The following SPTBN5 variants were observed in gnomAD, a reference collection of about 807,000 sequenced individuals.
SPTBN5 encodes the protein spectrin beta chain, non-erythrocytic 5.
A neutral mutation model predicts 477.6 loss-of-function variants in SPTBN5; 513 were observed. That is an observed-to-expected ratio of 1.07 (90% CI 1.00 to 1.16). SPTBN5 has a LOEUF of 1.16. SPTBN5 is among the 50% of genes most tolerant of loss of function. The pLI is 0.00. For missense variants in SPTBN5, 5,062 were observed against 4,731.8 expected, an observed-to-expected ratio of 1.07 and a Z score of -2.05; for synonymous variants, 2,169 against 2,011.7, an observed-to-expected ratio of 1.08 and a Z score of -2.09.
At chr15:41,859,686 G>A (rs1304760095) in intron 47 of SPTBN5, among the ~76,000 whole-genome samples, 3 of 152,182 alleles carry the variant, frequency 2.0e-5, no homozygotes, top group Admixed American at 6.5e-5. Flanking sequence ...TGTGCTGGGG[G>A]AAGCTGAGCC....
chr15:41,850,205 G>A, intron 66 of SPTBN5: 2 of 502,944 alleles, frequency 4.0e-6, no homozygotes, highest in South Asian at 2.4e-5. Context: ...TTTCTTAGGA[G>A]GTGGGAAATT....
At chr15:41,881,732 G>A (rs1332164615) in intron 12 of SPTBN5, among the ~76,000 whole-genome samples, 2 of 152,228 alleles carry the variant, frequency 1.3e-5, no homozygotes, top group Non-Finnish European at 2.9e-5. Flanking sequence ...CTCGGTTGAC[G>A]TGGGCAGACA....
At chr15:41,860,873 C>G in intron 46 of SPTBN5, 115 bp from the exon 47 acceptor site, 1 of 1,041,652 alleles carries the variant, frequency 9.6e-7, no homozygotes, top group Non-Finnish European at 1.3e-6. Flanking sequence ...GCGGCTGCTC[C>G]GCCCAAACAC....
chr15:41,851,470 C>T (rs193050078), intron 63 of SPTBN5, 101 bp from the exon 64 acceptor site: 14 of 902,532 alleles, frequency 1.6e-5, no homozygotes, highest in African/African-American at 1.0e-4. Context: ...CCAGGAAAAG[C>T]GGTGGATTGG....
chr15:41,883,480 C>G lies in SPTBN5; in HGVS notation c.1527G>C (p.Glu509Asp). The G allele has an allele frequency of 6.2e-7, 1 of 1,613,726 alleles. No homozygotes were observed. Among genetic ancestry groups the G allele is most frequent in the Non-Finnish European group, 8.5e-7 (1 of 1,179,762 alleles). The change falls in exon 8 of 68, where the codon GAG (glutamate) becomes GAC (aspartate). Residue 509 changes from glutamate (E) to aspartate (D), a missense_variant. Physicochemically the swap from Glu to Asp is conservative, Grantham distance 45 (BLOSUM62 2). Transcript: ENST00000320955. ...GCCTCTGCCAGCGCACGGTAACTTC[C>G]TCCTGCCTAGAGGATATGAGAATAA... ...HSWADVARRQ[E>D]EVTVRWQRLL...
chr15:41,851,371 T>TGTGGAGAGGAGGC lies in SPTBN5; in HGVS notation c.10657-15_10657-3dup. On this transcript the variant is annotated splice_polypyrimidine_tract_variant and splice_region_variant and intron_variant, in intron 63 of 67. Transcript: ENST00000320955. ...GCTGTCCCAGGAGCTCGAGCTAGGCTGTGGAGAGGAGGCGGGAAGGTCGCA... is the reference window on the plus strand; with the variant it reads ...GCTGTCCCAGGAGCTCGAGCTAGGCTGTGGAGAGGAGGCGTGGAGAGGAGGCGGGAAGGTCGCA... 1 of 1,550,488 alleles carries TGTGGAGAGGAGGC rather than the reference T, an allele frequency of 6.4e-7. No homozygotes were observed. Among genetic ancestry groups the TGTGGAGAGGAGGC allele is most frequent in the East Asian group, 2.4e-5 (1 of 40,904 alleles).
chr15:41,889,832 A>C (rs995257321), intron 4 of SPTBN5, among the ~76,000 whole-genome samples: 1 of 152,206 alleles, frequency 6.6e-6, no homozygotes, highest in Admixed American at 6.5e-5. Context: ...TGAACCCCCC[A>C]CTAGTGAATG....
In SPTBN5 at chr15:41,887,519, T is replaced by C. The variant is rs2067193359; in HGVS notation, c.660-78A>G. 4.1e-5 allele frequency: 46 copies of C among 1,130,090 alleles called. 2 individuals carry two copies. In the South Asian group the frequency reaches 6.1e-4, roughly 15 times the overall value. The allele number at this position is 1,130,090 out of a possible 1,614,324, so 70.0% of individuals were successfully genotyped here. On this transcript the variant is annotated intron_variant, in intron 5 of 67. Transcript: ENST00000320955. ...TTAAGTAGATTCTTAAATGCACTCA[T>C]GCTCCTATTGGCCATTCACATCTTC...
chr15:41,874,422 A>G lies in SPTBN5; in HGVS notation c.4559T>C (p.Val1520Ala). The G allele has an allele frequency of 6.2e-7, 1 of 1,613,312 alleles. No individual in the cohort carries two copies. Among genetic ancestry groups the G allele is most frequent in the Non-Finnish European group, 8.5e-7 (1 of 1,179,812 alleles). Reference protein sequence around the residue: ...AIRGLQLQASVELHQFCHLSN... With the variant: ...AIRGLQLQASAELHQFCHLSN... ...CAGGTGGCAGAACTGGTGCAGCTCCACTGAGGCCTGCAGCTGCAGGCCCCG... is the reference window on the plus strand; with the variant it reads ...CAGGTGGCAGAACTGGTGCAGCTCCGCTGAGGCCTGCAGCTGCAGGCCCCG... The change falls in exon 24 of 68, where the codon GTG becomes GCG. Residue 1520 changes from valine to alanine, a missense_variant. Val to Ala is a moderately conservative substitution (Grantham distance 64, BLOSUM62 0). Coordinates refer to ENST00000320955, the MANE Select transcript of SPTBN5 (RefSeq NM_016642.4).
intron 56 of SPTBN5, among the ~76,000 whole-genome samples, chr15:41,854,541 T>C (rs1441250596): frequency 6.6e-6 from 1 of 151,766 alleles, no homozygotes; most frequent in African/African-American, 2.4e-5. Context: ...GTGCCTCTCA[T>C]GGGGCTGGGG....
rs571372336 is a variant in SPTBN5, at chr15:41,852,776, G to T, written c.10348-41C>A. On this transcript the variant is annotated intron_variant, in intron 60 of 67. Coordinates refer to ENST00000320955, the MANE Select transcript of SPTBN5 (RefSeq NM_016642.4). ...TTCAGGTGACGCCCAGCTTGGGGGG[G>T]GGGGCCCAGAGCCTGGTAGCCAGCT... 5.7e-5 allele frequency: 92 copies of T among 1,610,982 alleles called. 1 individual carries two copies. The East Asian group carries it at 7.1e-4, about 12-fold the overall frequency.
At chr15:41,856,038 G>A (rs755862192) in intron 53 of SPTBN5, among the ~76,000 whole-genome samples, 1 of 152,262 alleles carries the variant, frequency 6.6e-6, no homozygotes, top group Non-Finnish European at 1.5e-5. Context: ...ATTCCTTGCA[G>A]TGTTTCTCCC....
At chr15:41,850,051 C>T (rs1352104143) in intron 66 of SPTBN5, 92 bp from the exon 67 acceptor site, 2 of 1,094,870 alleles carry the variant, frequency 1.8e-6, no homozygotes, top group Non-Finnish European at 2.7e-6. Flanking sequence ...TCTGGAGGCT[C>T]AGCACAGCCT....
intron 40 of SPTBN5, 22 bp from the exon 41 acceptor site, chr15:41,863,840 C>T (rs1163997900): frequency 6.2e-7 from 1 of 1,613,410 alleles, no homozygotes; most frequent in Admixed American, 1.7e-5. Flanking sequence ...GTGGTGGTGT[C>T]ATGTGGAGCC....
intron 47 of SPTBN5, 28 bp downstream of exon 47, chr15:41,860,558 G>A: frequency 7.3e-7 from 1 of 1,365,200 alleles, no homozygotes; most frequent in Non-Finnish European, 9.5e-7. Context: ...CCTGCCCACA[G>A]CACCCCTCAC....
chr15:41,880,083 A>C (rs1290631414), intron 14 of SPTBN5, 77 bp downstream of exon 14: 18 of 1,495,640 alleles, frequency 1.2e-5, no homozygotes, highest in Non-Finnish European at 1.5e-5. Flanking sequence ...GTTAAATTGG[A>C]AAACTGAGTC....
chr15:41,868,335 C>A, intron 33 of SPTBN5, 63 bp downstream of exon 33: 1 of 1,566,680 alleles, frequency 6.4e-7, no homozygotes, highest in Non-Finnish European at 8.7e-7. Flanking sequence ...GACGGGGCAC[C>A]AGGTGGCCAG....
chr15:41,879,557 A>G (rs2066876557), intron 15 of SPTBN5, 58 bp from the exon 16 acceptor site: 23 of 1,516,132 alleles, frequency 1.5e-5, no homozygotes, highest in Non-Finnish European at 2.0e-5. Flanking sequence ...TCCATCCGGG[A>G]GCCTTGGCCA....
intron 47 of SPTBN5, among the ~76,000 whole-genome samples, 197 bp downstream of exon 47, chr15:41,860,389 C>T (rs573223510): frequency 3.3e-5 from 5 of 152,360 alleles, no homozygotes; most frequent in Non-Finnish European, 5.9e-5. Flanking sequence ...GGATTTTCCA[C>T]GTGGTGTTTG....
Sources: allele counts gnomAD v4.1 joint callset (sites outside exome capture counted in the v4.1 genomes callset), GRCh38; gene constraint gnomAD v4.1.1; transcripts MANE v1.5; gene names NCBI Gene and HGNC (gene_info 2026-07-23, HGNC 2026-07-21).